ENO4: variants seen among roughly 807,000 people sequenced by gnomAD.
ENO4 encodes 2-phospho-D-glycerate hydro-lyase.
A neutral mutation model predicts 63.2 loss-of-function variants in ENO4; 53 were observed. The ratio of observed to expected loss-of-function variants is 0.84; its 90% CI spans 0.67 to 1.05. The LOEUF (loss-of-function observed/expected upper bound fraction) is 1.05, where lower values mean the gene tolerates loss of function less well. Among genes scored for constraint, ENO4 ranks in the 50% least tolerant of loss-of-function variants. ENO4 has a pLI of 0.00. For missense variants in ENO4, 719 were observed against 772.0 expected, an observed-to-expected ratio of 0.93 and a Z score of 0.81; for synonymous variants, 266 against 283.8, an observed-to-expected ratio of 0.94 and a Z score of 0.63.
intron 10 of ENO4, among the ~76,000 whole-genome samples, chr10:116,904,875 G>A (rs1188346060): frequency 3.3e-5 from 5 of 152,186 alleles, no homozygotes. Flanking sequence ...GAACGACAGA[G>A]CACTAAAATG....
chr10:116,860,589 C>A (rs1304340936), intron 4 of ENO4, among the ~76,000 whole-genome samples: 5 of 152,070 alleles, frequency 3.3e-5, no homozygotes, highest in Non-Finnish European at 7.4e-5. Flanking sequence ...TATTAAATGG[C>A]CTAAAATGTC....
At chr10:116,880,533 T>C (rs1299377038) in intron 13 of ENO4, among the ~76,000 whole-genome samples, 2 of 152,214 alleles carry the variant, frequency 1.3e-5, no homozygotes, top group African/African-American at 4.8e-5. Flanking sequence ...TTTTATTTTC[T>C]TATATTACTG....
chr10:116,858,355 G>A (rs1315029624), intron 3 of ENO4, among the ~76,000 whole-genome samples: 2 of 152,192 alleles, frequency 1.3e-5, no homozygotes, highest in African/African-American at 4.8e-5. Context: ...AGAATTCTCT[G>A]TTGAAATCAA....
chr10:116,876,950 AAATTAATT>A (rs59679890), intron 11 of ENO4, among the ~76,000 whole-genome samples: 9 of 151,684 alleles, frequency 5.9e-5, no homozygotes, highest in African/African-American at 1.9e-4. Flanking sequence ...CTCCGTCTCA[AAATTAATT>A]AATTAATTAA....
intron 1 of ENO4, among the ~76,000 whole-genome samples, chr10:116,855,041 T>C (rs948291628): frequency 6.8e-6 from 1 of 146,294 alleles, no homozygotes. Context: ...TAGCCTGTAA[T>C]CCCAGCACTT....
At chr10:116,867,421 CAA>C (rs35426438) in intron 7 of ENO4, among the ~76,000 whole-genome samples, 3 of 137,726 alleles carry the variant, frequency 2.2e-5, no homozygotes, top group Non-Finnish European at 3.1e-5. Flanking sequence ...AAATATTTAC[CAA>C]AAAAAAAAAA....
At chr10:116,853,039 T>A (rs1481060912) in intron 1 of ENO4, among the ~76,000 whole-genome samples, 2 of 152,114 alleles carry the variant, frequency 1.3e-5, no homozygotes, top group African/African-American at 2.4e-5. Context: ...CTCACGCCTG[T>A]AATCCCAGCA....
At chr10:116,877,753 GCTTTA>G (rs1332606983) in intron 11 of ENO4, among the ~76,000 whole-genome samples, 1 of 152,166 alleles carries the variant, frequency 6.6e-6, no homozygotes, top group East Asian at 1.9e-4. Context: ...GAGGAGAGCA[GCTTTA>G]CTTAAGACCA....
At chr10:116,899,245 T>G (rs1300991770) in intron 10 of ENO4, among the ~76,000 whole-genome samples, 5 of 152,002 alleles carry the variant, frequency 3.3e-5, no homozygotes, top group Non-Finnish European at 7.4e-5. Flanking sequence ...AGTTAGAAGG[T>G]GATAACTGCT....
chr10:116,886,263 A>G (rs1223530991), downstream of ENO4: 3 of 1,536,296 alleles, frequency 2.0e-6, no homozygotes, highest in East Asian at 2.5e-5. Flanking sequence ...CAGAATGTCT[A>G]CAGCCCTTGC....
intron 8 of ENO4, 36 bp from the exon 9 acceptor site, chr10:116,871,089 T>C: frequency 1.9e-6 from 3 of 1,541,718 alleles, no homozygotes; most frequent in Non-Finnish European, 2.6e-6. Flanking sequence ...CTTAATGTGC[T>C]GTATTGACAT....
At chr10:116,866,925 T>G (rs1312520012) in intron 7 of ENO4, among the ~76,000 whole-genome samples, 1 of 152,188 alleles carries the variant, frequency 6.6e-6, no homozygotes, top group East Asian at 1.9e-4. Flanking sequence ...TCCCAGTGAT[T>G]ACAGTGATAA....
rs746195168 is a variant in ENO4, at chr10:116,881,645, C to T, written c.1854C>T (p.Ala618=). The change falls in exon 14 of 14, where the codon GCC becomes GCT. Residue 618 remains alanine, a synonymous_variant. Coordinates refer to ENST00000341276, the MANE Select transcript of ENO4 (RefSeq NM_001242699.2). The stretch of plus-strand genomic sequence containing the variant: ...CCACACAAGGTGTAGAGGAATCAGC[C>T]GAAACAGGAGCATCCTCTGGATAGG... ...TFPTQGVEES[A]ETGASSG is the part of the protein sequence containing the mutation. 93 of 1,547,152 alleles carry T rather than the reference C, an allele frequency of 6.0e-5. No homozygotes were observed. In the Middle Eastern group the frequency reaches 6.7e-4, roughly 11 times the overall value.
At chr10:116,885,593 A>G (rs1301092939), downstream of ENO4, 5 of 152,636 alleles carry the variant, frequency 3.3e-5, no homozygotes, top group Non-Finnish European at 7.3e-5. Flanking sequence ...TTGGGAAAAC[A>G]TAATTAACTC....
chr10:116,871,112 C>T lies in ENO4; in HGVS notation c.1048-13C>T, dbSNP rs1259448308. 7.7e-6 allele frequency: 12 copies of T among 1,549,518 alleles called. No homozygotes were observed. The highest frequency in any genetic ancestry group is 4.9e-5 in the East Asian group (2 of 40,918). On this transcript the variant is annotated splice_polypyrimidine_tract_variant and intron_variant, in intron 8 of 13. Transcript: ENST00000341276. ...GCTGTATTGACATGGATCATTGTCTCTTGATCTTGCAGCAGCAGATCACTG... is the reference window on the plus strand; with the variant it reads ...GCTGTATTGACATGGATCATTGTCTTTTGATCTTGCAGCAGCAGATCACTG...
At chr10:116,887,354 A>G (rs1246655919), downstream of ENO4, among the ~76,000 whole-genome samples, 1 of 152,216 alleles carries the variant, frequency 6.6e-6, no homozygotes, top group Non-Finnish European at 1.5e-5. Context: ...CCGAAGGTTC[A>G]GGCTGCTGAG....
intron 9 of ENO4, among the ~76,000 whole-genome samples, chr10:116,872,314 C>T (rs1227081066): frequency 6.6e-6 from 1 of 152,160 alleles, no homozygotes. Flanking sequence ...CTGTCTTACA[C>T]ATGTACTTCC....
In ENO4 at chr10:116,862,779, C is replaced by A; in HGVS notation, c.937-20C>A. 6.5e-7 allele frequency: 1 copy of A among 1,544,422 alleles called. No homozygotes were observed. The highest frequency in any genetic ancestry group is 1.2e-5 in the South Asian group (1 of 83,486). On this transcript the variant is annotated intron_variant, in intron 6 of 13. Transcript: ENST00000341276. ...TTTCTAGTCTGCAACTGTGGAAGAT[C>A]ATGGTTGTTCTACTTACAGGGTGTC...
intron 13 of ENO4, among the ~76,000 whole-genome samples, chr10:116,880,871 G>A (rs556400925): frequency 6.6e-6 from 1 of 152,232 alleles, no homozygotes; most frequent in African/African-American, 2.4e-5. Context: ...ACGTTACCAC[G>A]AGGGAAACAG....
Sources: allele counts gnomAD v4.1 joint callset (sites outside exome capture counted in the v4.1 genomes callset), GRCh38; gene constraint gnomAD v4.1.1; transcripts MANE v1.5; gene names NCBI Gene and HGNC (gene_info 2026-07-23, HGNC 2026-07-21).